The following TBC1D8 variants were observed in gnomAD, a reference collection of about 807,000 sequenced individuals.
TBC1D8 encodes TBC1 domain family member 8, also known as BUB2-like protein 1.
Under a neutral mutation model 118.8 loss-of-function variants are expected in TBC1D8, and 65 were observed. The ratio of observed to expected loss-of-function variants is 0.55; its 90% CI spans 0.45 to 0.67. The LOEUF (loss-of-function observed/expected upper bound fraction) is 0.67, where lower values mean the gene tolerates loss of function less well. Ranked by LOEUF, TBC1D8 falls within the 30% of genes least tolerant of loss-of-function variation. The pLI is 0.00. For synonymous variants in TBC1D8, 566 were observed against 595.8 expected (o/e 0.95, Z 0.73); for missense variants, 1,376 against 1,471.2 (o/e 0.94, Z 1.06).
chr2:101,114,673 G>T (rs2165427), intron 1 of TBC1D8, among the ~76,000 whole-genome samples: 1 of 152,086 alleles, frequency 6.6e-6, no homozygotes, highest in Non-Finnish European at 1.5e-5. Flanking sequence ...TTTATATCAC[G>T]GACTAAACAG....
At chr2:101,121,660 T>C (rs1433662444) in intron 1 of TBC1D8, among the ~76,000 whole-genome samples, 1 of 152,262 alleles carries the variant, frequency 6.6e-6, no homozygotes, top group Non-Finnish European at 1.5e-5. Context: ...CCTGCTGGTG[T>C]TTCTGTTTCA....
chr2:101,037,742 G>C lies in TBC1D8; in HGVS notation c.1276-34C>G, dbSNP rs373195617. 3.1e-6 allele frequency: 5 copies of C among 1,607,508 alleles called. No individual in the cohort carries two copies. The African/African-American group carries it at 5.3e-5, about 17-fold the overall frequency. On this transcript the variant is annotated intron_variant, in intron 7 of 19. Transcript: ENST00000409318. The stretch of plus-strand genomic sequence containing the variant: ...CAAGAGAGACAGAGACAGAGAGAGA[G>C]AGGAGAGGAGAAAATCATGGCTTTA...
chr2:101,040,163 G>C lies in TBC1D8; in HGVS notation c.1080+15C>G. The C allele has an allele frequency of 6.2e-7, 1 of 1,612,212 alleles. No homozygotes were observed. The stretch of plus-strand genomic sequence containing the variant: ...AAAAGGCTGCTTCGGGAAGCAGACA[G>C]TAGGGCCAGTCTACCTCTCTGAGTG... On this transcript the variant is annotated intron_variant, in intron 6 of 19. Transcript: ENST00000409318.
At chr2:101,099,975 C>G (rs1676721529) in intron 1 of TBC1D8, among the ~76,000 whole-genome samples, 1 of 152,104 alleles carries the variant, frequency 6.6e-6, no homozygotes, top group Non-Finnish European at 1.5e-5. Context: ...CCTCTCTCAC[C>G]ACTCCTATTC....
intron 1 of TBC1D8, among the ~76,000 whole-genome samples, chr2:101,144,815 G>A: frequency 6.6e-6 from 1 of 152,116 alleles, no homozygotes; most frequent in East Asian, 1.9e-4. Flanking sequence ...GTGCGTGCCT[G>A]TAGTCCCAGC....
At chr2:101,144,765 C>T (rs1476451373) in intron 1 of TBC1D8, among the ~76,000 whole-genome samples, 1 of 152,054 alleles carries the variant, frequency 6.6e-6, no homozygotes, top group Non-Finnish European at 1.5e-5. Context: ...TGGTGAAACC[C>T]TGTCTCTACT....
intron 1 of TBC1D8, among the ~76,000 whole-genome samples, chr2:101,146,834 C>T (rs1011392580): frequency 6.6e-6 from 1 of 152,218 alleles, no homozygotes. Context: ...CTAACTGTAA[C>T]TCTGTACCTG....
chr2:101,058,352 C>CATAG (rs1187365982), intron 3 of TBC1D8, among the ~76,000 whole-genome samples: 2 of 152,158 alleles, frequency 1.3e-5, no homozygotes, highest in African/African-American at 4.8e-5. Context: ...TACTAAAAGC[C>CATAG]ATAGCACTTG....
At chr2:101,140,550 C>A (rs1292752569) in intron 1 of TBC1D8, among the ~76,000 whole-genome samples, 9 of 152,052 alleles carry the variant, frequency 5.9e-5, no homozygotes, top group African/African-American at 2.2e-4. Context: ...GCCAAGCTCT[C>A]CCTGAGTTTA....
At chr2:101,107,196 A>G (rs1677277919) in intron 1 of TBC1D8, among the ~76,000 whole-genome samples, 1 of 152,176 alleles carries the variant, frequency 6.6e-6, no homozygotes, top group Non-Finnish European at 1.5e-5. Flanking sequence ...ATGGTAATGA[A>G]CTAGAGTCAG....
intron 1 of TBC1D8, among the ~76,000 whole-genome samples, chr2:101,121,402 C>T (rs1370222628): frequency 2.6e-5 from 4 of 152,164 alleles, no homozygotes; most frequent in Non-Finnish European, 4.4e-5. Context: ...GTCCTATCCC[C>T]GGGGCTCAGG....
chr2:101,102,441 G>A (rs963105901), intron 1 of TBC1D8, among the ~76,000 whole-genome samples: 23 of 149,966 alleles, frequency 1.5e-4, no homozygotes, highest in Non-Finnish European at 4.4e-5. Context: ...GTGACAGAGC[G>A]AGATTCCATA....
chr2:101,133,085 G>A (rs950843212), intron 1 of TBC1D8, among the ~76,000 whole-genome samples: 10 of 150,322 alleles, frequency 6.7e-5, no homozygotes, highest in African/African-American at 1.7e-4. Context: ...GCTTGAACCC[G>A]GGAGGCGGAG....
intron 2 of TBC1D8, among the ~76,000 whole-genome samples, chr2:101,087,399 G>A (rs551819370): frequency 1.5e-4 from 23 of 152,038 alleles, no homozygotes; most frequent in Non-Finnish European, 2.9e-4. Context: ...CACTCTGGGA[G>A]GCCAAGGCAG....
In TBC1D8 at chr2:101,018,886, G is replaced by A. The variant is rs562555110; in HGVS notation, c.2827+2795C>T. ...TAACTAAGCAAAATGGCCAATATCC[G>A]TAGGTTTATCAATCTGCAGTGAAAA... On this transcript the variant is annotated intron_variant, in intron 17 of 19. Coordinates refer to ENST00000409318, the MANE Select transcript of TBC1D8 (RefSeq NM_001330348.2). 9.4e-5 allele frequency: 131 copies of A among 1,398,800 alleles called. No individual in the cohort carries two copies. In the African/African-American group the frequency reaches 1.4e-3, roughly 15 times the overall value. The allele number at this position is 1,398,800 out of a possible 1,614,324, so 86.6% of individuals were successfully genotyped here. A position where few individuals can be genotyped will look rare whatever the true frequency, so the allele number is the denominator to read the frequency against.
intron 1 of TBC1D8, among the ~76,000 whole-genome samples, chr2:101,110,257 C>T (rs150047191): frequency 6.6e-6 from 1 of 152,198 alleles, no homozygotes; most frequent in Admixed American, 6.5e-5. Context: ...CTCAGAGAAG[C>T]CTTCCCATGG....
chr2:101,023,071 G>A (rs528533296), intron 15 of TBC1D8, among the ~76,000 whole-genome samples: 6 of 151,924 alleles, frequency 3.9e-5, no homozygotes, highest in East Asian at 3.9e-4. Context: ...CTTGAACTCC[G>A]GAGGCGGAGG....
At chr2:101,038,318 C>T (rs547528614) in intron 7 of TBC1D8, 143 bp downstream of exon 7, 28 of 989,638 alleles carry the variant, frequency 2.8e-5, no homozygotes, top group South Asian at 2.7e-4. Flanking sequence ...TCAGGACAGC[C>T]GGCACATCAG....
intron 14 of TBC1D8, 37 bp downstream of exon 14, chr2:101,028,011 A>C: frequency 6.1e-5 from 98 of 1,602,208 alleles, no homozygotes; most frequent in Non-Finnish European, 7.9e-5. Flanking sequence ...TGGCTCCCCA[A>C]TACCGTGATC....
Sources: gnomAD v4.1 joint callset for allele counts (sites outside exome capture counted in the v4.1 genomes callset) on GRCh38, gnomAD v4.1.1 for gene constraint, MANE v1.5 for transcripts, NCBI Gene and HGNC (gene_info 2026-07-23, HGNC 2026-07-21) for gene names.